CCBE1: variants seen among roughly 807,000 people sequenced by gnomAD.
The protein encoded by CCBE1 is collagen and calcium-binding EGF domain-containing protein 1.
In CCBE1, 37 loss-of-function variants were observed where a neutral mutation model predicts 50.0. That is an observed-to-expected ratio of 0.74 (90% CI 0.57 to 0.97). The LOEUF (loss-of-function observed/expected upper bound fraction) is 0.97, where lower values mean the gene tolerates loss of function less well. Ranked by LOEUF, CCBE1 falls within the 50% of genes least tolerant of loss-of-function variation. The pLI is 0.00. For missense variants in CCBE1, 538 were observed against 523.8 expected, an observed-to-expected ratio of 1.03 and a Z score of -0.26; for synonymous variants, 234 against 203.7, an observed-to-expected ratio of 1.15 and a Z score of -1.27.
chr18:59,566,876 G>C (rs993768), intron 2 of CCBE1, among the ~76,000 whole-genome samples: 7 of 151,524 alleles, frequency 4.6e-5, no homozygotes, highest in Non-Finnish European at 1.0e-4. Flanking sequence ...TAAAGCCTCA[G>C]AAGACATTGT....
chr18:59,612,457 G>A (rs1369794592), intron 2 of CCBE1, among the ~76,000 whole-genome samples: 2 of 152,168 alleles, frequency 1.3e-5, no homozygotes, highest in Non-Finnish European at 2.9e-5. Flanking sequence ...TTCTAGGGCT[G>A]ATGGAGAGTG....
chr18:59,509,998 A>G (rs1914062993), intron 2 of CCBE1, among the ~76,000 whole-genome samples: 1 of 152,226 alleles, frequency 6.6e-6, no homozygotes, highest in South Asian at 2.1e-4. Context: ...CAGCCAAAAA[A>G]ACATCACGGA....
At chr18:59,520,495 A>C (rs1453889695) in intron 2 of CCBE1, among the ~76,000 whole-genome samples, 1 of 152,226 alleles carries the variant, frequency 6.6e-6, no homozygotes, top group Non-Finnish European at 1.5e-5. Flanking sequence ...TTTAAGAAAA[A>C]AACCCATCTG....
intron 2 of CCBE1, among the ~76,000 whole-genome samples, chr18:59,631,789 G>C (rs1599082076): frequency 6.6e-6 from 1 of 152,318 alleles, no homozygotes; most frequent in East Asian, 1.9e-4. Context: ...CTGCATCAGG[G>C]AGGTAGAAAT....
At chr18:59,546,871 C>T (rs1323753650) in intron 2 of CCBE1, among the ~76,000 whole-genome samples, 1 of 152,050 alleles carries the variant, frequency 6.6e-6, no homozygotes, top group Admixed American at 6.5e-5. Context: ...CTCATCCAAT[C>T]TGTGGAGCTT....
At chr18:59,482,834 A>C (rs1598939522) in intron 2 of CCBE1, among the ~76,000 whole-genome samples, 1 of 132,378 alleles carries the variant, frequency 7.6e-6, no homozygotes, top group East Asian at 2.1e-4. Context: ...TGGATCTGCA[A>C]ATCTCAAGAA....
At chr18:59,530,565 C>A (rs1915008083) in intron 2 of CCBE1, among the ~76,000 whole-genome samples, 1 of 152,166 alleles carries the variant, frequency 6.6e-6, no homozygotes, top group African/African-American at 2.4e-5. Context: ...AGAAACTGAG[C>A]ACTCTTTCCC....
chr18:59,646,273 A>G (rs2054054383), intron 2 of CCBE1, among the ~76,000 whole-genome samples: 1 of 152,176 alleles, frequency 6.6e-6, no homozygotes, highest in Non-Finnish European at 1.5e-5. Context: ...ATTTGTTGGG[A>G]CCCAGCAAGT....
chr18:59,574,346 G>A (rs1164239174), intron 2 of CCBE1, among the ~76,000 whole-genome samples: 1 of 152,208 alleles, frequency 6.6e-6, no homozygotes, highest in Non-Finnish European at 1.5e-5. Flanking sequence ...GATGTGAAAT[G>A]TAAGCTCACA....
chr18:59,437,966 C>G, intron 10 of CCBE1, 145 bp downstream of exon 10: 1 of 684,414 alleles, frequency 1.5e-6, no homozygotes. Flanking sequence ...CTATGACTCT[C>G]TTCCTAACCA....
At chr18:59,474,302 G>A (rs1944298) in intron 3 of CCBE1, among the ~76,000 whole-genome samples, 10,735 of 152,266 alleles carry the variant, frequency 0.071, 860 homozygotes, top group East Asian at 0.33. Flanking sequence ...ATCCTGAGAC[G>A]GCTGCTCTAG....
At chr18:59,629,042 G>A (rs982468801) in intron 2 of CCBE1, among the ~76,000 whole-genome samples, 1 of 152,128 alleles carries the variant, frequency 6.6e-6, no homozygotes, top group East Asian at 1.9e-4. Context: ...TGCACAGCCA[G>A]CAGCCAGGGT....
chr18:59,538,564 T>G (rs370050938), intron 2 of CCBE1, among the ~76,000 whole-genome samples: 52 of 152,300 alleles, frequency 3.4e-4, no homozygotes, highest in African/African-American at 1.2e-3. Flanking sequence ...TGTATTTCAC[T>G]GTGGGAATTA....
chr18:59,591,768 G>A (rs1316807623), intron 2 of CCBE1, among the ~76,000 whole-genome samples: 1 of 152,110 alleles, frequency 6.6e-6, no homozygotes, highest in Non-Finnish European at 1.5e-5. Flanking sequence ...GAAACTACAA[G>A]TCCATTTACC....
intron 2 of CCBE1, among the ~76,000 whole-genome samples, chr18:59,588,990 G>A (rs977140255): frequency 3.3e-5 from 5 of 152,190 alleles, no homozygotes; most frequent in African/African-American, 1.2e-4. Context: ...ACTTCCTGAC[G>A]GATGGCTTTC....
intron 7 of CCBE1, among the ~76,000 whole-genome samples, chr18:59,446,206 A>C (rs1189765528): frequency 6.6e-6 from 1 of 152,224 alleles, no homozygotes; most frequent in Non-Finnish European, 1.5e-5. Context: ...ACCATGTTAC[A>C]AGCCAGATGG....
chr18:59,681,049 GAAAAAAAA>G (rs34876275), intron 2 of CCBE1, among the ~76,000 whole-genome samples: 1 of 85,468 alleles, frequency 1.2e-5, no homozygotes, highest in Non-Finnish European at 2.5e-5. Flanking sequence ...ATTTGGCTGA[GAAAAAAAA>G]AAAAAAAAAG....
At chr18:59,444,902 T>G (rs977542000) in intron 7 of CCBE1, among the ~76,000 whole-genome samples, 10 of 152,186 alleles carry the variant, frequency 6.6e-5, no homozygotes, top group Admixed American at 6.5e-5. Context: ...AATCAGGTGC[T>G]TTTTTGTTGA....
intron 2 of CCBE1, among the ~76,000 whole-genome samples, chr18:59,575,180 C>T (rs1322198791): frequency 6.6e-6 from 1 of 152,174 alleles, no homozygotes; most frequent in African/African-American, 2.4e-5. Context: ...ATGCCTTGAT[C>T]TCAGACTTCA....
Sources: gnomAD v4.1 joint callset for allele counts (sites outside exome capture counted in the v4.1 genomes callset) on GRCh38, gnomAD v4.1.1 for gene constraint, MANE v1.5 for transcripts, NCBI Gene and HGNC (gene_info 2026-07-23, HGNC 2026-07-21) for gene names.